The following SPIRE1 variants were observed in gnomAD, a reference collection of about 807,000 sequenced individuals.
SPIRE1 encodes the protein protein spire homolog 1.
A neutral mutation model predicts 94.1 loss-of-function variants in SPIRE1; 40 were observed. The ratio of observed to expected loss-of-function variants is 0.43; its 90% CI spans 0.33 to 0.55. The LOEUF (loss-of-function observed/expected upper bound fraction) is 0.55, where lower values mean the gene tolerates loss of function less well. Among genes scored for constraint, SPIRE1 ranks in the 20% least tolerant of loss-of-function variants. SPIRE1 has a pLI of 0.06. For synonymous variants in SPIRE1, 376 were observed against 371.7 expected, an observed-to-expected ratio of 1.01 and a Z score of -0.13; for missense variants, 838 against 975.2, an observed-to-expected ratio of 0.86 and a Z score of 1.87.
At chr18:12,648,540 G>C (rs757717407) in intron 1 of SPIRE1, among the ~76,000 whole-genome samples, 6 of 152,020 alleles carry the variant, frequency 3.9e-5, no homozygotes, top group Non-Finnish European at 8.8e-5. Context: ...AAGAAACTAA[G>C]GAGATATGAT....
chr18:12,457,680 A>G (rs12971000), intron 12 of SPIRE1, among the ~76,000 whole-genome samples: 4 of 139,810 alleles, frequency 2.9e-5, no homozygotes, highest in Non-Finnish European at 1.5e-5. Flanking sequence ...ACTTCTATGC[A>G]TGTCACTAAA....
chr18:12,635,047 G>C lies in SPIRE1; in HGVS notation c.372+15C>G. 7.0e-7 allele frequency: 1 copy of C among 1,418,802 alleles called. No homozygotes were observed. Among genetic ancestry groups the C allele is most frequent in the Non-Finnish European group, 9.7e-7 (1 of 1,030,416 alleles). 87.9% of individuals were successfully genotyped at this position (1,418,802 alleles called of 1,614,324 possible). On this transcript the variant is annotated intron_variant, in intron 2 of 16. Transcript: ENST00000409402. ...AAAGCTGCTTTACTAAGAAATATTT[G>C]AGTATTTCACTTACCTCTGTTTCCA...
chr18:12,657,426 T>C lies in SPIRE1; in HGVS notation c.337+104A>G, dbSNP rs898343477. On this transcript the variant is annotated intron_variant, in intron 1 of 16. Transcript: ENST00000409402. The stretch of plus-strand genomic sequence containing the variant: ...CTCCCGGGGGTCTCCCGTGGCAAAA[T>C]GGGGGGGGACGGCGGGGGCGGAAGG... 4.0e-4 allele frequency: 375 copies of C among 939,306 alleles called. 1 individual carries two copies. Among genetic ancestry groups the C allele is most frequent in the Non-Finnish European group, 4.8e-4 (351 of 730,604 alleles). The allele number at this position is 939,306 out of a possible 1,614,324, so 58.2% of individuals were successfully genotyped here. A position where few individuals can be genotyped will look rare whatever the true frequency, so the allele number is the denominator to read the frequency against.
upstream of SPIRE1, chr18:12,658,227 C>G (rs1254051667): frequency 3.8e-6 from 2 of 531,856 alleles, no homozygotes; most frequent in Admixed American, 2.4e-5. Context: ...GCAGGAGGGC[C>G]TCGCCTCGAG....
In SPIRE1 at chr18:12,543,598, G is replaced by A. The variant is rs550283848; in HGVS notation, c.603+3076C>T. 2.6e-5 allele frequency among the ~76,000 whole-genome samples: 4 copies of A among 152,234 alleles called. No individual in the cohort carries two copies. In the East Asian group the frequency reaches 5.8e-4, roughly 22 times the overall value. ...CCTAAGGCTCCAGTAATAGAAGGGGGATATAAAGGCACTTTTCAACTACAA... is the reference window on the plus strand; with the variant it reads ...CCTAAGGCTCCAGTAATAGAAGGGGAATATAAAGGCACTTTTCAACTACAA... On this transcript the variant is annotated intron_variant, in intron 3 of 16. Coordinates refer to ENST00000409402, the MANE Select transcript of SPIRE1 (RefSeq NM_001128626.2).
intron 2 of SPIRE1, among the ~76,000 whole-genome samples, chr18:12,632,842 A>C (rs1167942977): frequency 6.6e-6 from 1 of 152,200 alleles, no homozygotes; most frequent in East Asian, 1.9e-4. Flanking sequence ...TACTAAACTA[A>C]TGTTAAGATC....
At chr18:12,638,616 T>C (rs2038000720) in intron 1 of SPIRE1, among the ~76,000 whole-genome samples, 1 of 152,182 alleles carries the variant, frequency 6.6e-6, no homozygotes, top group African/African-American at 2.4e-5. Flanking sequence ...CCTCTTGATA[T>C]GGTTTGGTTC....
At chr18:12,540,227 C>T (rs1030017708) in intron 3 of SPIRE1, among the ~76,000 whole-genome samples, 4 of 152,190 alleles carry the variant, frequency 2.6e-5, no homozygotes, top group African/African-American at 9.7e-5. Context: ...TTTCCTTCCA[C>T]TTTGTTTTGG....
intron 2 of SPIRE1, among the ~76,000 whole-genome samples, chr18:12,578,196 C>T (rs1043656053): frequency 6.6e-6 from 1 of 152,144 alleles, no homozygotes; most frequent in Non-Finnish European, 1.5e-5. Context: ...AATTACATTC[C>T]TATTTACCCA....
At chr18:12,639,925 A>T (rs1435140471) in intron 1 of SPIRE1, among the ~76,000 whole-genome samples, 1 of 152,006 alleles carries the variant, frequency 6.6e-6, no homozygotes, top group African/African-American at 2.4e-5. Context: ...GAAACAGAAA[A>T]GCCTATGCCT....
intron 12 of SPIRE1, among the ~76,000 whole-genome samples, chr18:12,461,414 A>ATGTG (rs5823218): frequency 3.1e-4 from 44 of 140,042 alleles, no homozygotes; most frequent in African/African-American, 6.2e-4. Flanking sequence ...ATACACATGT[A>ATGTG]TGTGTGTGTG....
chr18:12,528,824 T>C (rs1598438931), intron 4 of SPIRE1, among the ~76,000 whole-genome samples: 1 of 152,176 alleles, frequency 6.6e-6, no homozygotes, highest in East Asian at 1.9e-4. Flanking sequence ...GGGACCAAGA[T>C]GCAAGACAGA....
At chr18:12,547,415 C>T (rs967762923) in intron 2 of SPIRE1, among the ~76,000 whole-genome samples, 2 of 152,162 alleles carry the variant, frequency 1.3e-5, no homozygotes, top group African/African-American at 4.8e-5. Context: ...CACAGATAAC[C>T]CTCCCTACCA....
At chr18:12,495,066 A>C (rs2033405209) in intron 7 of SPIRE1, among the ~76,000 whole-genome samples, 1 of 151,242 alleles carries the variant, frequency 6.6e-6, no homozygotes, top group Non-Finnish European at 1.5e-5. Flanking sequence ...AAAAAAAAAA[A>C]ACCCTCCTAG....
At chr18:12,556,208 A>G (rs141984309) in intron 2 of SPIRE1, among the ~76,000 whole-genome samples, 28 of 152,352 alleles carry the variant, frequency 1.8e-4, no homozygotes, top group African/African-American at 6.7e-4. Flanking sequence ...GGAAGAATCA[A>G]CATTGTTAAA....
At chr18:12,654,336 C>CA (rs199897679) in intron 1 of SPIRE1, among the ~76,000 whole-genome samples, 7,388 of 98,000 alleles carry the variant, frequency 0.075, 279 homozygotes, top group Non-Finnish European at 0.096. Context: ...GACTCCACCT[C>CA]AAAAAAAAAA....
chr18:12,547,690 C>T (rs543130849), intron 2 of SPIRE1, among the ~76,000 whole-genome samples: 1 of 152,138 alleles, frequency 6.6e-6, no homozygotes, highest in African/African-American at 2.4e-5. Flanking sequence ...GCCTGTAATC[C>T]CAGCACTTTG....
intron 1 of SPIRE1, chr18:12,653,443 G>T (rs986798115): frequency 5.9e-5 from 9 of 152,192 alleles, no homozygotes; most frequent in Admixed American, 2.0e-4. Flanking sequence ...CCCCAATCCT[G>T]TGAAAACAAC....
At chr18:12,578,444 C>T (rs1208615668) in intron 2 of SPIRE1, among the ~76,000 whole-genome samples, 1 of 152,134 alleles carries the variant, frequency 6.6e-6, no homozygotes, top group African/African-American at 2.4e-5. Context: ...AAGGTCAGCA[C>T]AAAAAACACA....
Sources: allele counts gnomAD v4.1 joint callset (sites outside exome capture counted in the v4.1 genomes callset), GRCh38; gene constraint gnomAD v4.1.1; transcripts MANE v1.5; gene names NCBI Gene and HGNC (gene_info 2026-07-23, HGNC 2026-07-21).